SQSTM1: variants seen among roughly 807,000 people sequenced by gnomAD.
SQSTM1 encodes sequestosome 1, also known as sequestosome-1.
A neutral mutation model predicts 45.1 loss-of-function variants in SQSTM1; 36 were observed. The observed-to-expected ratio is 0.80, with a 90% CI of 0.61 to 1.05. SQSTM1 has a LOEUF of 1.05. Among genes scored for constraint, SQSTM1 ranks in the 50% least tolerant of loss-of-function variants. The pLI, the probability that SQSTM1 is intolerant of heterozygous loss-of-function variation, is 0.00. For missense variants in SQSTM1, 617 were observed against 607.1 expected (o/e 1.02, Z -0.17); for synonymous variants, 290 against 244.3 (o/e 1.19, Z -1.74).
At chr5:179,816,161 CTT>C (rs1285606960), upstream of SQSTM1, among the ~76,000 whole-genome samples, 1 of 152,044 alleles carries the variant, frequency 6.6e-6, no homozygotes, top group African/African-American at 2.4e-5. Flanking sequence ...AGAAGGTTTT[CTT>C]TGTTTTGTTT....
intron 7 of SQSTM1, among the ~76,000 whole-genome samples, chr5:179,834,426 T>TATTTATTTA (rs914760391): frequency 6.6e-6 from 1 of 151,950 alleles, no homozygotes; most frequent in Admixed American, 6.6e-5. Flanking sequence ...TTTATTTATT[T>TATTTATTTA]ATTTTTATTG....
chr5:179,826,413 C>T (rs548250511), intron 5 of SQSTM1, among the ~76,000 whole-genome samples: 13 of 152,066 alleles, frequency 8.5e-5, no homozygotes, highest in East Asian at 3.9e-4. Context: ...GTGATCCACC[C>T]GTCTTGGCCT....
intron 5 of SQSTM1, among the ~76,000 whole-genome samples, chr5:179,827,365 G>A (rs149753680): frequency 3.9e-5 from 6 of 152,118 alleles, no homozygotes; most frequent in East Asian, 1.9e-4. Flanking sequence ...GCAGTGGCAC[G>A]ATCTTGGCTC....
chr5:179,836,799 C>T lies in SQSTM1; in HGVS notation c.*206C>T. The T allele has an allele frequency of 1.3e-6, 1 of 793,552 alleles. No homozygotes were observed. Among genetic ancestry groups the T allele is most frequent in the Non-Finnish European group, 2.1e-6 (1 of 483,288 alleles). The allele number at this position is 793,552 out of a possible 1,614,324, so 49.2% of individuals were successfully genotyped here. On this transcript the variant is annotated 3_prime_UTR_variant, in exon 8 of 8. Transcript: ENST00000389805. The stretch of plus-strand genomic sequence containing the variant: ...TGTGTGTGCTGATGTTTCCTGGGTG[C>T]CCTGGCTCCTTGCAGCAGGGCTGGG...
Position 179,823,010 on chromosome 5 carries a change from C to G in SQSTM1, c.258C>G (p.Ala86=). 1 of 1,614,108 alleles carries G rather than the reference C, an allele frequency of 6.2e-7. No individual in the cohort carries two copies. Among genetic ancestry groups the G allele is most frequent in the East Asian group, 2.2e-5 (1 of 44,876 alleles). ...CCAGTGACGAGGAATTGACAATGGC[C>G]ATGTCCTACGTGAAGGATGACATCT... ...AFSSDEELTM[A]MSYVKDDIFR... The change falls in exon 2 of 8, where the codon GCC becomes GCG. Residue 86 remains alanine (A), a synonymous_variant. Transcript: ENST00000389805.
chr5:179,836,700 A>G lies in SQSTM1; in HGVS notation c.*107A>G. On this transcript the variant is annotated 3_prime_UTR_variant, in exon 8 of 8. Transcript: ENST00000389805. ...CGGGCCAGTTTCTCTGCCTTCTTCCAGGATCAGGGGTTAGGGTGCAAGAAG... is the reference window on the plus strand; with the variant it reads ...CGGGCCAGTTTCTCTGCCTTCTTCCGGGATCAGGGGTTAGGGTGCAAGAAG... The G allele has an allele frequency of 5.1e-6, 8 of 1,557,638 alleles. No homozygotes were observed. The highest frequency in any genetic ancestry group is 7.1e-6 in the Non-Finnish European group (8 of 1,130,602).
intron 7 of SQSTM1, among the ~76,000 whole-genome samples, chr5:179,834,730 G>A (rs1011620507): frequency 1.3e-4 from 20 of 152,166 alleles, no homozygotes; most frequent in African/African-American, 4.8e-4. Context: ...GGGGTTGGGG[G>A]TAAGGTCACA....
chr5:179,812,751 G>C (rs1757467856), intron 2 of SQSTM1: 1 of 152,302 alleles, frequency 6.6e-6, no homozygotes, highest in African/African-American at 2.4e-5. Context: ...CCAGTGCCCA[G>C]GCCCAGGCTT....
chr5:179,835,321 A>G (rs1362648474), intron 7 of SQSTM1: 15 of 175,230 alleles, frequency 8.6e-5, no homozygotes, highest in Non-Finnish European at 1.3e-4. Context: ...GCACTTTGGG[A>G]GGCTAAGGCA....
intron 5 of SQSTM1, among the ~76,000 whole-genome samples, chr5:179,825,427 A>G (rs962564229): frequency 1.3e-5 from 2 of 152,196 alleles, no homozygotes; most frequent in Admixed American, 6.5e-5. Flanking sequence ...AGCTTTCTAC[A>G]TGGAGTGAAG....
chr5:179,809,627 G>A (rs1327920285), intron 1 of SQSTM1, among the ~76,000 whole-genome samples: 1 of 141,304 alleles, frequency 7.1e-6, no homozygotes, highest in Non-Finnish European at 1.5e-5. Flanking sequence ...ATGAGCCACT[G>A]CGCCTGGCCC....
In SQSTM1 at chr5:179,823,951, A is replaced by G. The variant is rs1757889724; in HGVS notation, c.395A>G (p.Asn132Ser). 2 of 1,613,942 alleles carry G rather than the reference A, an allele frequency of 1.2e-6. No individual in the cohort carries two copies. The highest frequency in any genetic ancestry group is 2.7e-5 in the African/African-American group (2 of 74,938). The part of the protein sequence containing the change: ...VHPNVICDGC[N>S]GPVVGTRYKC... ...CCCAATGTGATCTGCGATGGCTGCA[A>G]TGGGCCTGTGGTAGGAACCCGCTAC... Residue 132 changes from asparagine to serine, a missense_variant, in exon 3 of 8, where the codon AAT becomes AGT. Transcript: ENST00000389805.
In SQSTM1 at chr5:179,834,568, C is replaced by T. The variant is rs1247757499; in HGVS notation, c.1165+786C>T. Among the ~76,000 whole-genome samples, 7 of 150,486 alleles carry T rather than the reference C, an allele frequency of 4.7e-5. No homozygotes were observed. In the South Asian group the frequency reaches 1.5e-3, roughly 31 times the overall value. On this transcript the variant is annotated intron_variant, in intron 7 of 7. Coordinates refer to ENST00000389805, the MANE Select transcript of SQSTM1 (RefSeq NM_003900.5). ...AGGCAGAGGACCCTGCGGCCTTCCGCAGCGTTTGTGTCCCTGGGTACTTGA... is the reference window on the plus strand; with the variant it reads ...AGGCAGAGGACCCTGCGGCCTTCCGTAGCGTTTGTGTCCCTGGGTACTTGA...
Position 179,837,081 on chromosome 5 carries a change from G to T in SQSTM1, c.*488G>T. 1 of 801,964 alleles carries T rather than the reference G, an allele frequency of 1.2e-6. No homozygotes were observed. Among genetic ancestry groups the T allele is most frequent in the Non-Finnish European group, 2.1e-6 (1 of 483,334 alleles). 49.7% of individuals were successfully genotyped at this position (801,964 alleles called of 1,614,324 possible). Reference sequence around the variant, plus strand: ...GTGGGCTTCCTGCTGGGACTGAGAAGGCTCACGAAGGGCATCCGCAATGTT... The same window carrying T: ...GTGGGCTTCCTGCTGGGACTGAGAATGCTCACGAAGGGCATCCGCAATGTT... On this transcript the variant is annotated 3_prime_UTR_variant, in exon 8 of 8. Coordinates refer to ENST00000389805, the MANE Select transcript of SQSTM1 (RefSeq NM_003900.5).
At chr5:179,822,795 A>AGG (rs1757831764) in intron 1 of SQSTM1, 163 bp from the exon 2 acceptor site, 1 of 701,242 alleles carries the variant, frequency 1.4e-6, no homozygotes, top group African/African-American at 1.8e-5. Flanking sequence ...TGCCAGAGCA[A>AGG]GGGGGTAGTC....
intron 5 of SQSTM1, among the ~76,000 whole-genome samples, chr5:179,829,744 A>C (rs1242030731): frequency 1.3e-5 from 2 of 152,242 alleles, no homozygotes; most frequent in Non-Finnish European, 1.5e-5. Context: ...ATATAGGATG[A>C]GTAGGAATTC....
Position 179,806,663 on chromosome 5 carries a change from A to AGGCGGC in SQSTM1, c.-157+85_-157+90dup, listed in dbSNP as rs561073025. 61 of 582,996 alleles carry AGGCGGC rather than the reference A, an allele frequency of 1.0e-4. No individual in the cohort carries two copies. In the East Asian group the frequency reaches 1.5e-3, roughly 15 times the overall value. The allele number at this position is 582,996 out of a possible 1,614,324, so 36.1% of individuals were successfully genotyped here. A position where few individuals can be genotyped will look rare whatever the true frequency, so the allele number is the denominator to read the frequency against. On this transcript the variant is annotated intron_variant, in intron 1 of 5. Coordinates refer to the SQSTM1 transcript ENST00000514093. This position sits in a 1 kb window ranked among gnomAD's most constrained non-coding sequence, Gnocchi z 4.6. The stretch of plus-strand genomic sequence containing the variant: ...CCGGGGCCGGGGCGCAGGGGTCGGA[A>AGGCGGC]GGCGGCGGCGGCGGCGGCAGGGGCC...
At chr5:179,827,941 G>T (rs1758062263) in intron 5 of SQSTM1, among the ~76,000 whole-genome samples, 1 of 152,104 alleles carries the variant, frequency 6.6e-6, no homozygotes, top group South Asian at 2.1e-4. Flanking sequence ...TTGGTTGGGG[G>T]GCTGAGAACC....
Position 179,837,559 on chromosome 5 carries a change from G to C in SQSTM1, c.*966G>C. On this transcript the variant is annotated 3_prime_UTR_variant, in exon 8 of 8. Transcript: ENST00000389805. ...CAGACCCAGATGTGACGGGGTGTGT[G>C]GCCCGAGGAAGCTGGACAGCGGCAG... The C allele has an allele frequency of 6.2e-7, 1 of 1,614,198 alleles. No individual in the cohort carries two copies. The highest frequency in any genetic ancestry group is 8.5e-7 in the Non-Finnish European group (1 of 1,180,012).
Sources: gnomAD v4.1 joint callset for allele counts (sites outside exome capture counted in the v4.1 genomes callset) on GRCh38, gnomAD v4.1.1 for gene constraint, Gnocchi (gnomAD v3.1) non-coding constraint, MANE v1.5 for transcripts, NCBI Gene and HGNC (gene_info 2026-07-23, HGNC 2026-07-21) for gene names.